B4GALNT2: variants seen among roughly 807,000 people sequenced by gnomAD.
B4GALNT2 encodes N-acetylneuraminylgalactosylglucosyl-glucoside beta-1,4-N- acetylgalactosaminyltransferase 2.
Under a neutral mutation model 51.1 loss-of-function variants are expected in B4GALNT2, and 42 were observed. That is an observed-to-expected ratio of 0.82 (90% confidence interval 0.64 to 1.06). The LOEUF (loss-of-function observed/expected upper bound fraction) is 1.06. B4GALNT2 is among the 50% of genes least tolerant of loss of function. The pLI is 0.00. For synonymous variants in B4GALNT2, 253 were observed against 251.7 expected, an observed-to-expected ratio of 1.01 and a Z score of -0.05; for missense variants, 602 against 633.6, an observed-to-expected ratio of 0.95 and a Z score of 0.54.
In B4GALNT2 at chr17:49,141,340, G is replaced by A; in HGVS notation, c.108G>A (p.Val36=). 1 of 1,614,168 alleles carries A rather than the reference G, an allele frequency of 6.2e-7. No homozygotes were observed. Among genetic ancestry groups the A allele is most frequent in the Non-Finnish European group, 8.5e-7 (1 of 1,180,036 alleles). ...TCGGAAGCATGTTCCTTCAAGCAGT[G>A]TTCAGCAGCCCCAAGCCAGAACTCC... is the stretch of plus-strand genomic sequence containing the variant. The part of the protein sequence containing the change: ...FMFGSMFLQA[V]FSSPKPELPS... The change falls in exon 2 of 11, where the codon GTG becomes GTA. Residue 36 remains valine, a synonymous_variant. Coordinates refer to ENST00000393354, the MANE Select transcript of B4GALNT2 (RefSeq NM_001159387.2).
rs995584111 is a variant in B4GALNT2 at position 49,173,307 on chromosome 17, T to C, written c.*3579T>C. ...ATGTATGAAGAATCAGAAATCACAT[T>C]GATAGGCCTATTAAAAGCAGTCAAT... On this transcript the variant is annotated 3_prime_UTR_variant, in exon 11 of 11. Coordinates refer to ENST00000393354, the MANE Select transcript of B4GALNT2 (RefSeq NM_001159387.2). 6.6e-6 allele frequency: 1 copy of C among 152,246 alleles called. No homozygotes were observed. Among genetic ancestry groups the C allele is most frequent in the Admixed American group, 6.5e-5 (1 of 15,272 alleles). 9.4% of individuals were successfully genotyped at this position (152,246 alleles called of 1,614,324 possible). A position where few individuals can be genotyped will look rare whatever the true frequency, so the allele number is the denominator to read the frequency against.
intron 1 of B4GALNT2, 145 bp downstream of exon 1, chr17:49,132,951 C>G: frequency 7.2e-7 from 1 of 1,398,524 alleles, no homozygotes; most frequent in African/African-American, 1.5e-5. Flanking sequence ...AGTCTTAAGT[C>G]CAACCGGTTC....
chr17:49,165,989 G>A (rs887135727), intron 8 of B4GALNT2, 125 bp from the exon 9 acceptor site: 15 of 1,134,498 alleles, frequency 1.3e-5, no homozygotes, highest in African/African-American at 7.8e-5. Flanking sequence ...GGATTCGCTC[G>A]CACCAATTCT....
intron 1 of B4GALNT2, chr17:49,133,355 G>A: frequency 9.8e-7 from 1 of 1,019,400 alleles, no homozygotes. Flanking sequence ...AGGGCAGAGT[G>A]AGCTGCGGTT....
the B4GALNT2 span, among the ~76,000 whole-genome samples, chr17:49,125,262 C>A: frequency 2.0e-5 from 3 of 152,006 alleles, no homozygotes; most frequent in Non-Finnish European, 2.9e-5. Context: ...TGGGTTCAAG[C>A]GATTCTCCTG....
At chr17:49,155,878 A>G (rs1344083631) in intron 4 of B4GALNT2, among the ~76,000 whole-genome samples, 1 of 151,214 alleles carries the variant, frequency 6.6e-6, no homozygotes, top group Non-Finnish European at 1.5e-5. Context: ...ACCCGCCACC[A>G]TGCCCGGCCA....
intron 3 of B4GALNT2, among the ~76,000 whole-genome samples, chr17:49,150,580 A>G (rs1213223918): frequency 3.3e-5 from 5 of 151,778 alleles, no homozygotes; most frequent in Non-Finnish European, 7.4e-5. Flanking sequence ...CTGTACTAAG[A>G]AAAATTCTTC....
rs966336643 is a variant in B4GALNT2 at position 49,158,259 on chromosome 17, A to AT, written c.499-778_499-777insT. Reference sequence around the variant, plus strand: ...AATCAGTAGTTCCATTTTGAAGACAACAAGTTTGAGTTGCTTGTGAAAGGT... The same window carrying AT: ...AATCAGTAGTTCCATTTTGAAGACAATCAAGTTTGAGTTGCTTGTGAAAGGT... On this transcript the variant is annotated intron_variant, in intron 5 of 10. Coordinates refer to ENST00000393354, the MANE Select transcript of B4GALNT2 (RefSeq NM_001159387.2). Among the ~76,000 whole-genome samples the AT allele has an allele frequency of 4.3e-4, 66 of 152,276 alleles. 1 individual carries two copies. The highest frequency in any genetic ancestry group is 1.6e-3 in the African/African-American group (65 of 41,536).
intron 5 of B4GALNT2, 151 bp downstream of exon 5, chr17:49,156,754 C>T (rs1031612210): frequency 9.0e-6 from 8 of 891,848 alleles, no homozygotes; most frequent in Admixed American, 2.8e-5. Flanking sequence ...GTGTAGAAAA[C>T]TTAACTTCTA....
chr17:49,169,554 C>T lies in B4GALNT2; in HGVS notation c.1347C>T (p.Leu449=), dbSNP rs148956387. 3,799 of 1,612,396 alleles carry T rather than the reference C, an allele frequency of 2.4e-3. 6 individuals carry two copies. The highest frequency in any genetic ancestry group is 2.7e-3 in the Non-Finnish European group (3,234 of 1,179,990). Residue 449 remains leucine (L), a synonymous_variant, in exon 11 of 11, where the codon CTC becomes CTT. Coordinates refer to ENST00000393354, the MANE Select transcript of B4GALNT2 (RefSeq NM_001159387.2). The part of the protein sequence containing the change: ...EFFIDGLGTL[L]VGSCPEVIIG... ...TCATTGATGGGCTAGGGACCCTACT[C>T]GTGGGGTCATGCCCAGAAGTGATTA...
chr17:49,155,316 AAAAAG>A (rs1469484317), intron 4 of B4GALNT2, among the ~76,000 whole-genome samples: 1 of 149,294 alleles, frequency 6.7e-6, no homozygotes, highest in Non-Finnish European at 1.5e-5. Flanking sequence ...AAAAAAAAAA[AAAAAG>A]GACTGGTGCA....
At chr17:49,156,720 C>T in intron 5 of B4GALNT2, 117 bp downstream of exon 5, 1 of 1,188,464 alleles carries the variant, frequency 8.4e-7, no homozygotes, top group Non-Finnish European at 1.2e-6. Flanking sequence ...GACATGAGCC[C>T]AAGGAGGGAG....
At chr17:49,163,836 TCAGA>T (rs2042885853) in intron 7 of B4GALNT2, among the ~76,000 whole-genome samples, 1 of 151,036 alleles carries the variant, frequency 6.6e-6, no homozygotes, top group East Asian at 1.9e-4. Context: ...AATGAAGCAT[TCAGA>T]CAGACAGTTG....
rs1425439423 is a variant in B4GALNT2 at position 49,169,515 on chromosome 17, C to G, written c.1316-8C>G. 1.9e-6 allele frequency: 3 copies of G among 1,609,400 alleles called. No homozygotes were observed. Among genetic ancestry groups the G allele is most frequent in the Non-Finnish European group, 1.7e-6 (2 of 1,179,514 alleles). ...TCCCACTTCCTTCTGCTCTCCCTCTCTTTGCAGAATTCTTCATTGATGGGC... is the reference window on the plus strand; with the variant it reads ...TCCCACTTCCTTCTGCTCTCCCTCTGTTTGCAGAATTCTTCATTGATGGGC... On this transcript the variant is annotated splice_region_variant and splice_polypyrimidine_tract_variant and intron_variant, in intron 10 of 10. Coordinates refer to ENST00000393354, the MANE Select transcript of B4GALNT2 (RefSeq NM_001159387.2).
intron 1 of B4GALNT2, 97 bp from the exon 2 acceptor site, chr17:49,141,150 G>A: frequency 1.7e-6 from 2 of 1,165,978 alleles, no homozygotes; most frequent in Non-Finnish European, 2.6e-6. Flanking sequence ...TAAGCTATGT[G>A]CTTAGCTTAC....
chr17:49,121,888 GA>G, the B4GALNT2 span, among the ~76,000 whole-genome samples: 94 of 152,298 alleles, frequency 6.2e-4, no homozygotes, highest in Non-Finnish European at 1.2e-3. Flanking sequence ...AAAGAGGAAA[GA>G]AACACGAAAA....
At chr17:49,121,790 T>C in the B4GALNT2 span, among the ~76,000 whole-genome samples, 23,964 of 152,164 alleles carry the variant, frequency 0.16, 2,102 homozygotes, top group South Asian at 0.3. Flanking sequence ...GGGCCTGCAG[T>C]GTGATGCACA....
intron 10 of B4GALNT2, 76 bp from the exon 11 acceptor site, chr17:49,169,447 C>T: frequency 7.1e-7 from 1 of 1,403,212 alleles, no homozygotes; most frequent in Non-Finnish European, 1.0e-6. Flanking sequence ...CTGGGACTCT[C>T]CCCCACCAGA....
Position 49,169,918 on chromosome 17 carries a change from C to G in B4GALNT2, c.*190C>G. ...CACTGGAAATGAACCAGTCACTGAC[C>G]AGGGCAATGGAGACTGTATTAATAG... On this transcript the variant is annotated 3_prime_UTR_variant, in exon 11 of 11. Transcript: ENST00000393354. 1 of 557,652 alleles carries G rather than the reference C, an allele frequency of 1.8e-6. No individual in the cohort carries two copies. Among genetic ancestry groups the G allele is most frequent in the Non-Finnish European group, 3.1e-6 (1 of 325,854 alleles). 34.5% of individuals were successfully genotyped at this position (557,652 alleles called of 1,614,324 possible).
Sources: allele counts gnomAD v4.1 joint callset (sites outside exome capture counted in the v4.1 genomes callset), GRCh38; gene constraint gnomAD v4.1.1; transcripts MANE v1.5; gene names NCBI Gene and HGNC (gene_info 2026-07-23, HGNC 2026-07-21).